The following CASP2 variants were observed in gnomAD, a reference collection of about 807,000 sequenced individuals.
CASP2 encodes the protein caspase-2.
Under a neutral mutation model 54.4 loss-of-function variants are expected in CASP2, and 38 were observed. The ratio of observed to expected loss-of-function variants is 0.70; its 90% confidence interval spans 0.54 to 0.92. The LOEUF is 0.92. Ranked by LOEUF, CASP2 falls within the 40% of genes least tolerant of loss-of-function variation. The pLI is 0.00. For synonymous variants in CASP2, 215 were observed against 216.3 expected (o/e 0.99, Z 0.05); for missense variants, 512 against 579.6 (o/e 0.88, Z 1.20).
intron 8 of CASP2, chr7:143,300,560 C>A: frequency 6.7e-7 from 1 of 1,500,306 alleles, no homozygotes; most frequent in Admixed American, 2.0e-5. Flanking sequence ...GTGTCTTTGC[C>A]TTCCTTTCTG....
intron 2 of CASP2, among the ~76,000 whole-genome samples, chr7:143,291,966 G>T (rs1801586729): frequency 6.6e-6 from 1 of 151,726 alleles, no homozygotes; most frequent in Non-Finnish European, 1.5e-5. Flanking sequence ...TTTTAGTAGA[G>T]ACAGGGTTTC....
In CASP2 at chr7:143,295,940, AG is replaced by A. The variant is rs1483162965; in HGVS notation, c.747+1168del. ...ATAAAGGGGCAAAGGGCAGGGTACC[AG>A]CCATAATTCCTACAGAAGGTCACTT... On this transcript the variant is annotated intron_variant, in intron 6 of 10. Coordinates refer to ENST00000310447, the MANE Select transcript of CASP2 (RefSeq NM_032982.4). 2.6e-5 allele frequency among the ~76,000 whole-genome samples: 4 copies of A among 152,358 alleles called. No homozygotes were observed. The East Asian group carries it at 7.7e-4, about 29-fold the overall frequency.
At chr7:143,292,030 G>A (rs764665711) in intron 2 of CASP2, among the ~76,000 whole-genome samples, 13 of 151,774 alleles carry the variant, frequency 8.6e-5, no homozygotes, top group Non-Finnish European at 1.3e-4. Flanking sequence ...CACCTGCCTC[G>A]GCCTCCCAAA....
chr7:143,302,988 G>A (rs1044986595), intron 8 of CASP2: 1 of 151,972 alleles, frequency 6.6e-6, no homozygotes, highest in Non-Finnish European at 1.5e-5. Context: ...ATAAGGCCAG[G>A]TGCAGTGACT....
chr7:143,305,192 C>A lies in CASP2; in HGVS notation c.*121C>A. ...CCCCCTCAGGGATGTGGGAATCTCC[C>A]AGACTTGTTTCCTGTGCCCATCATC... On this transcript the variant is annotated 3_prime_UTR_variant, in exon 11 of 11. Coordinates refer to ENST00000310447, the MANE Select transcript of CASP2 (RefSeq NM_032982.4). 2 of 1,299,002 alleles carry A rather than the reference C, an allele frequency of 1.5e-6. No homozygotes were observed. Among genetic ancestry groups the A allele is most frequent in the South Asian group, 2.5e-5 (2 of 80,672 alleles). The allele number at this position is 1,299,002 out of a possible 1,614,324, so 80.5% of individuals were successfully genotyped here.
rs930065193 is a variant in CASP2 at position 143,305,542 on chromosome 7, A to G, written c.*471A>G. ...AGAGTGAGAGTTTGGAAGGTGTCCA[A>G]ATTTAATGTAGACATTATCTTTTGG... On this transcript the variant is annotated 3_prime_UTR_variant, in exon 11 of 11. Transcript: ENST00000310447. 1.8e-5 allele frequency: 5 copies of G among 280,884 alleles called. No individual in the cohort carries two copies. Among genetic ancestry groups the G allele is most frequent in the South Asian group, 7.4e-5 (2 of 27,078 alleles). The allele number at this position is 280,884 out of a possible 1,614,324, so 17.4% of individuals were successfully genotyped here.
At chr7:143,297,377 C>T (rs1801785781) in intron 6 of CASP2, among the ~76,000 whole-genome samples, 1 of 152,168 alleles carries the variant, frequency 6.6e-6, no homozygotes, top group Non-Finnish European at 1.5e-5. Context: ...ACATTGTTTT[C>T]TATTTACTGA....
At chr7:143,301,831 C>G (rs1484605547) in intron 8 of CASP2, 1 of 152,166 alleles carries the variant, frequency 6.6e-6, no homozygotes, top group Non-Finnish European at 1.5e-5. Flanking sequence ...CACCTCCTTA[C>G]AAACCTTTAG....
Position 143,294,583 on chromosome 7 carries a change from C to G in CASP2, c.571-14C>G. Reference sequence around the variant, plus strand: ...ATCAAGACGCTCATGGTCTAACTGGCCTCTCCTCCACAGGCATATAGGTTG... The same window carrying G: ...ATCAAGACGCTCATGGTCTAACTGGGCTCTCCTCCACAGGCATATAGGTTG... On this transcript the variant is annotated splice_polypyrimidine_tract_variant and intron_variant, in intron 5 of 10. Transcript: ENST00000310447. 2 of 1,613,002 alleles carry G rather than the reference C, an allele frequency of 1.2e-6. No homozygotes were observed. The highest frequency in any genetic ancestry group is 2.2e-5 in the South Asian group (2 of 91,060).
rs566244516 is a variant in CASP2 at position 143,293,812 on chromosome 7, G to C, written c.476-418G>C. Among the ~76,000 whole-genome samples, 6 of 152,200 alleles carry C rather than the reference G, an allele frequency of 3.9e-5. No individual in the cohort carries two copies. In the East Asian group the frequency reaches 9.7e-4, roughly 25 times the overall value. ...CCCAGGCAAGGTGTTATTAATAGTTGGTCCATTTCCCTTCCACCCCAGATA... is the reference window on the plus strand; with the variant it reads ...CCCAGGCAAGGTGTTATTAATAGTTCGTCCATTTCCCTTCCACCCCAGATA... On this transcript the variant is annotated intron_variant, in intron 4 of 10. Transcript: ENST00000310447.
At position 143,295,316 on chromosome 7, in the gene CASP2, C is replaced by T. The variant is rs536513252; in HGVS notation, c.747+543C>T. 5.9e-5 allele frequency among the ~76,000 whole-genome samples: 9 copies of T among 152,304 alleles called. No homozygotes were observed. In the South Asian group the frequency reaches 1.7e-3, roughly 28 times the overall value. ...GTGCTGGGATTATAGGCATGAGCTA[C>T]GGCACCTGGCTGGGAAAGTATTCTT... On this transcript the variant is annotated intron_variant, in intron 6 of 10. Coordinates refer to ENST00000310447, the MANE Select transcript of CASP2 (RefSeq NM_032982.4).
Position 143,293,875 on chromosome 7 carries a change from A to G in CASP2, c.476-355A>G, listed in dbSNP as rs372605319. On this transcript the variant is annotated intron_variant, in intron 4 of 10. Transcript: ENST00000310447. ...ATAATTGGGCCTTTGAGTAGCATGT[A>G]TGGGCAGGAAGTTCATGCTCAATTG... 1.1e-4 allele frequency among the ~76,000 whole-genome samples: 16 copies of G among 152,318 alleles called. No individual in the cohort carries two copies. In the East Asian group the frequency reaches 2.9e-3, roughly 28 times the overall value.
chr7:143,300,386 T>C, intron 8 of CASP2, 92 bp downstream of exon 8: 3 of 1,601,004 alleles, frequency 1.9e-6, no homozygotes, highest in Non-Finnish European at 1.7e-6. Context: ...TCAGGTGCTA[T>C]TGGATCCCTT....
Position 143,304,920 on chromosome 7 carries a change from T to C in CASP2, c.1228-20T>C. 1 of 1,614,224 alleles carries C rather than the reference T, an allele frequency of 6.2e-7. No individual in the cohort carries two copies. Among genetic ancestry groups the C allele is most frequent in the Non-Finnish European group, 8.5e-7 (1 of 1,180,038 alleles). On this transcript the variant is annotated intron_variant, in intron 10 of 10. Coordinates refer to ENST00000310447, the MANE Select transcript of CASP2 (RefSeq NM_032982.4). ...AGCCCGAGATTCTCAGACTTGGGCCTATTGGTTCTGCCCCTCCAGGTGAAC... is the reference window on the plus strand; with the variant it reads ...AGCCCGAGATTCTCAGACTTGGGCCCATTGGTTCTGCCCCTCCAGGTGAAC...
chr7:143,303,935 T>A lies in CASP2; in HGVS notation c.1117+2T>A. ...TATGCGGCTATGCCTGCCTCAAAGG[T>A]ACTTTGAGTTCCAAAAGAGTTGAGT... On this transcript the variant is annotated splice_donor_variant, in intron 9 of 10. Coordinates refer to ENST00000310447, the MANE Select transcript of CASP2 (RefSeq NM_032982.4). LOFTEE classifies it high-confidence loss of function. 6.3e-7 allele frequency: 1 copy of A among 1,583,022 alleles called. No homozygotes were observed. Among genetic ancestry groups the A allele is most frequent in the Non-Finnish European group, 8.6e-7 (1 of 1,163,834 alleles).
chr7:143,305,331 C>G lies in CASP2; in HGVS notation c.*260C>G. 3.6e-6 allele frequency: 2 copies of G among 560,684 alleles called. No individual in the cohort carries two copies. Among genetic ancestry groups the G allele is most frequent in the Non-Finnish European group, 6.4e-6 (2 of 310,750 alleles). 34.7% of individuals were successfully genotyped at this position (560,684 alleles called of 1,614,324 possible). A position where few individuals can be genotyped will look rare whatever the true frequency, so the allele number is the denominator to read the frequency against. On this transcript the variant is annotated 3_prime_UTR_variant, in exon 11 of 11. Transcript: ENST00000310447. ...GAATGTTTCAGCTGCAGTTGAAGAG[C>G]CTGACAAGTGAAGTTGTAAACACAG...
At chr7:143,289,212 G>A (rs1801478997) in intron 1 of CASP2, among the ~76,000 whole-genome samples, 1 of 152,152 alleles carries the variant, frequency 6.6e-6, no homozygotes, top group Non-Finnish European at 1.5e-5. Context: ...GAATTAAGAC[G>A]TAGGAACTCC....
intron 6 of CASP2, among the ~76,000 whole-genome samples, chr7:143,296,853 G>GTGCTGCA (rs759755911): frequency 2.0e-5 from 3 of 152,086 alleles, no homozygotes; most frequent in Non-Finnish European, 4.4e-5. Context: ...TCCCCTGATA[G>GTGCTGCA]TGCTGCAGTG....
intron 6 of CASP2, among the ~76,000 whole-genome samples, chr7:143,297,722 C>T (rs2116787119): frequency 6.6e-6 from 1 of 152,380 alleles, no homozygotes; most frequent in African/African-American, 2.4e-5. Context: ...GCTGGGATTA[C>T]AGGCGTGAGC....
Sources: allele counts gnomAD v4.1 joint callset (sites outside exome capture counted in the v4.1 genomes callset), GRCh38; gene constraint gnomAD v4.1.1; transcripts MANE v1.5; gene names NCBI Gene and HGNC (gene_info 2026-07-23, HGNC 2026-07-21).